CACNA1I: variants seen among roughly 807,000 people sequenced by gnomAD.
CACNA1I encodes voltage-dependent T-type calcium channel subunit alpha-1I.
A neutral mutation model predicts 201.6 loss-of-function variants in CACNA1I; 74 were observed. That is an observed-to-expected ratio of 0.37 (90% confidence interval 0.30 to 0.45). The LOEUF is 0.45. CACNA1I is among the 20% of genes least tolerant of loss of function. CACNA1I has a pLI of 1.00. For missense variants in CACNA1I, 2,346 were observed against 3,138.1 expected (o/e 0.75, Z 6.03); for synonymous variants, 1,431 against 1,345.2 (o/e 1.06, Z -1.40).
intron 5 of CACNA1I, 57 bp from the exon 6 acceptor site, chr22:39,640,810 C>T: frequency 7.0e-7 from 1 of 1,425,552 alleles, no homozygotes; most frequent in East Asian, 2.4e-5. Context: ...CCTTCCTGAT[C>T]CTCCTGACAG....
At chr22:39,650,774 G>A (rs1337188698) in intron 10 of CACNA1I, among the ~76,000 whole-genome samples, 2 of 152,220 alleles carry the variant, frequency 1.3e-5, no homozygotes, top group Non-Finnish European at 2.9e-5. Context: ...AGGAGTGGGC[G>A]CTGAGCTGAA....
rs1236816700 is a variant in CACNA1I, at chr22:39,684,521, A to T, written c.6027+23A>T. ...CAGGTACCGACACCTCCCAGGCCCT[A>T]GAGCACTGGTCTGTGGGCAAGGGGC... is the stretch of plus-strand genomic sequence containing the variant. On this transcript the variant is annotated intron_variant, in intron 36 of 36. Transcript: ENST00000402142. This position sits in a 1 kb window ranked among gnomAD's most constrained non-coding sequence, Gnocchi z 4.6. 6.2e-7 allele frequency: 1 copy of T among 1,605,024 alleles called. No homozygotes were observed. Among genetic ancestry groups the T allele is most frequent in the Non-Finnish European group, 8.5e-7 (1 of 1,175,388 alleles).
chr22:39,677,359 C>G lies in CACNA1I; in HGVS notation c.4873C>G (p.Leu1625Val). 6.3e-7 allele frequency: 1 copy of G among 1,599,090 alleles called. No homozygotes were observed. The highest frequency in any genetic ancestry group is 8.5e-7 in the Non-Finnish European group (1 of 1,175,314). The change falls in exon 30 of 37, where the codon CTC (leucine) becomes GTC (valine). Residue 1625 changes from leucine to valine, a missense_variant. By Grantham distance (32) the Leu-to-Val change is conservative. This residue lies in a region of CACNA1I where 50 missense variants were observed against 43.6 expected (regional missense o/e 1.15). Transcript: ENST00000402142. This position sits in a 1 kb window ranked among gnomAD's most constrained non-coding sequence, Gnocchi z 4.8. ...ALPQVGNLGLLFMLLFFIYAA... is the reference protein window; with the variant it reads ...ALPQVGNLGLVFMLLFFIYAA... ...CCCGCAGGTGGGCAACCTGGGCCTC[C>G]TCTTCATGCTGCTCTTCTTCATCTA...
intron 5 of CACNA1I, among the ~76,000 whole-genome samples, chr22:39,639,583 C>T (rs569431139): frequency 6.6e-6 from 1 of 152,202 alleles, no homozygotes; most frequent in South Asian, 2.1e-4. Flanking sequence ...ATCAATATAA[C>T]AATTAAAAAT....
At chr22:39,597,171 C>T (rs1387372282) in intron 1 of CACNA1I, among the ~76,000 whole-genome samples, 3 of 152,202 alleles carry the variant, frequency 2.0e-5, no homozygotes, top group Non-Finnish European at 4.4e-5. Context: ...ACTCAGTCAA[C>T]TGGAGATCCC....
chr22:39,645,386 G>A (rs746884900), intron 7 of CACNA1I, among the ~76,000 whole-genome samples: 6 of 152,204 alleles, frequency 3.9e-5, no homozygotes, highest in South Asian at 2.1e-4. Flanking sequence ...CACCCGGGTC[G>A]CCCAGGGCAG....
chr22:39,640,854 C>T lies in CACNA1I; in HGVS notation c.741-13C>T, dbSNP rs374156907. On this transcript the variant is annotated splice_polypyrimidine_tract_variant and intron_variant, in intron 5 of 36. Transcript: ENST00000402142. ...CCCCTTTCCCTCTTTTACCCACCCT[C>T]GCCTGTGGACAGACAAGGGGATGTG... The T allele has an allele frequency of 9.6e-5, 153 of 1,600,928 alleles. No individual in the cohort carries two copies. Among genetic ancestry groups the T allele is most frequent in the Non-Finnish European group, 1.2e-4 (139 of 1,171,808 alleles).
At position 39,680,120 on chromosome 22, in the gene CACNA1I, G is replaced by A. The variant is rs6001647; in HGVS notation, c.5541+252G>A. Among the ~76,000 whole-genome samples, 292 of 152,334 alleles carry A rather than the reference G, an allele frequency of 1.9e-3. 1 individual carries two copies. The highest frequency in any genetic ancestry group is 6.9e-3 in the African/African-American group (288 of 41,576). ...CAGTAGGTGCTTGGGTAGGGCAGCT[G>A]CCCCACCTTGTGTGCTGCAGGTGCC... is the stretch of plus-strand genomic sequence containing the variant. On this transcript the variant is annotated intron_variant, in intron 33 of 36. Transcript: ENST00000402142.
chr22:39,608,666 A>C (rs1601814074), intron 3 of CACNA1I, among the ~76,000 whole-genome samples: 1 of 146,636 alleles, frequency 6.8e-6, no homozygotes, highest in Non-Finnish European at 1.5e-5. Context: ...TGGTGAAACC[A>C]CAGCTAAAAA....
chr22:39,627,412 T>A, intron 4 of CACNA1I, among the ~76,000 whole-genome samples: 1 of 152,156 alleles, frequency 6.6e-6, no homozygotes, highest in South Asian at 2.1e-4. Context: ...CAGACGCCCC[T>A]GTGGACAGCG....
chr22:39,600,001 A>T (rs1932989508), intron 2 of CACNA1I, among the ~76,000 whole-genome samples: 1 of 152,186 alleles, frequency 6.6e-6, no homozygotes, highest in Non-Finnish European at 1.5e-5. Context: ...AGCTGCTTCC[A>T]TGGGGGCTTT....
At chr22:39,626,530 C>T (rs1933904852) in intron 4 of CACNA1I, among the ~76,000 whole-genome samples, 1 of 151,850 alleles carries the variant, frequency 6.6e-6, no homozygotes, top group Non-Finnish European at 1.5e-5. Context: ...GGGCAGGGGA[C>T]TGCGTGGCGG....
chr22:39,621,575 G>A (rs979499604), intron 4 of CACNA1I, among the ~76,000 whole-genome samples: 1 of 152,250 alleles, frequency 6.6e-6, no homozygotes, highest in Non-Finnish European at 1.5e-5. Flanking sequence ...TGAGCCTGGA[G>A]GGTGGCCCAA....
Position 39,661,988 on chromosome 22 carries a change from C to T in CACNA1I, c.2925C>T (p.Tyr975=), listed in dbSNP as rs1935026994. The T allele has an allele frequency of 5.8e-6, 9 of 1,555,002 alleles. No homozygotes were observed. Among genetic ancestry groups the T allele is most frequent in the East Asian group, 2.5e-5 (1 of 40,552 alleles). ...AGTCCAGCTCCCGGAGCTCCTACTA[C>T]GGGCCATGGGGCCGCAGCGCGGCCT... ...RSLSSSRSSY[Y]GPWGRSAAWA... is the part of the protein sequence containing the mutation. The change falls in exon 17 of 37, where the codon TAC becomes TAT. Residue 975 remains tyrosine (Y), a synonymous_variant. Transcript: ENST00000402142.
At position 39,619,357 on chromosome 22, in the gene CACNA1I, T is replaced by C; in HGVS notation, c.530T>C (p.Ile177Thr). The C allele has an allele frequency of 6.2e-7, 1 of 1,610,088 alleles. No homozygotes were observed. ...LDLQNINLSAIRTVRVLRPLK... is the reference protein window; with the variant it reads ...LDLQNINLSATRTVRVLRPLK... ...CTTCAGAACATCAACCTGTCAGCCATCCGCACCGTGCGCGTCCTGAGGCCC... is the reference window on the plus strand; with the variant it reads ...CTTCAGAACATCAACCTGTCAGCCACCCGCACCGTGCGCGTCCTGAGGCCC... The change falls in exon 4 of 37, where the codon ATC becomes ACC. Residue 177 changes from isoleucine (I) to threonine (T), a missense_variant. Transcript: ENST00000402142.
At chr22:39,601,995 T>C (rs1333634600) in intron 3 of CACNA1I, among the ~76,000 whole-genome samples, 1 of 10,610 alleles carries the variant, frequency 9.4e-5, no homozygotes, top group Non-Finnish European at 2.1e-4. Context: ...CTTCCTTCCT[T>C]CCTTCCCTCC....
In CACNA1I at chr22:39,662,193, C is replaced by A. The variant is rs755881686; in HGVS notation, c.3130C>A (p.Pro1044Thr). 1 of 1,529,320 alleles carries A rather than the reference C, an allele frequency of 6.5e-7. No homozygotes were observed. Among genetic ancestry groups the A allele is most frequent in the Non-Finnish European group, 8.8e-7 (1 of 1,141,558 alleles). 94.7% of individuals were successfully genotyped at this position (1,529,320 alleles called of 1,614,324 possible). Reference protein sequence around the residue: ...TPHAHHIHHGPHLAHRHRHHR... With the variant: ...TPHAHHIHHGTHLAHRHRHHR... Reference sequence around the variant, plus strand: ...ACACGCCCACCACATTCATCACGGGCCCCATCTGGCGCACCGCCACCGCCA... The same window carrying A: ...ACACGCCCACCACATTCATCACGGGACCCATCTGGCGCACCGCCACCGCCA... The change falls in exon 17 of 37, where the codon CCC becomes ACC. Residue 1044 changes from proline (P) to threonine (T), a missense_variant. Transcript: ENST00000402142.
In CACNA1I at chr22:39,659,535, C is replaced by A. The variant is rs150029078; in HGVS notation, c.2433C>A (p.Ile811=). The A allele has an allele frequency of 4.9e-5, 78 of 1,604,970 alleles. No homozygotes were observed. The highest frequency in any genetic ancestry group is 6.6e-5 in the Non-Finnish European group (77 of 1,175,076). Residue 811 remains isoleucine, a synonymous_variant, in exon 13 of 37, where the codon ATC becomes ATA. Coordinates refer to ENST00000402142, the MANE Select transcript of CACNA1I (RefSeq NM_021096.4). This position sits in a 1 kb window ranked among gnomAD's most constrained non-coding sequence, Gnocchi z 4.3. The part of the protein sequence containing the change: ...RKNFDSLLWA[I]VTVFQILTQE... ...ACTTCGACTCCCTGCTGTGGGCCAT[C>A]GTCACTGTGTTCCAGGTGAGTGGCC...
intron 1 of CACNA1I, among the ~76,000 whole-genome samples, chr22:39,596,342 A>G (rs1279800198): frequency 1.9e-3 from 1 of 530 alleles, no homozygotes; most frequent in Admixed American, 0.019. Flanking sequence ...GAGATGGGGG[A>G]GCAGGGCGGA....
Sources: allele counts gnomAD v4.1 joint callset (sites outside exome capture counted in the v4.1 genomes callset), GRCh38; gene constraint gnomAD v4.1.1; regional missense constraint gnomAD v4.1.1; non-coding constraint Gnocchi (gnomAD v3.1); transcripts MANE v1.5; gene names NCBI Gene and HGNC (gene_info 2026-07-23, HGNC 2026-07-21).